SPAG16: variants seen among roughly 807,000 people sequenced by gnomAD.
SPAG16 encodes the protein sperm associated antigen 16.
SPAG16 carries 86 observed loss-of-function variants against 80.4 expected under a neutral mutation model. The observed-to-expected ratio is 1.07, with a 90% CI of 0.90 to 1.28. The LOEUF (loss-of-function observed/expected upper bound fraction) is 1.28, where lower values mean the gene tolerates loss of function less well. SPAG16 is among the 50% of genes most tolerant of loss of function. The pLI is 0.00. For missense variants in SPAG16, 870 were observed against 765.3 expected (o/e 1.14, Z -1.61); for synonymous variants, 294 against 265.9 (o/e 1.11, Z -1.03).
intron 13 of SPAG16, among the ~76,000 whole-genome samples, chr2:214,069,888 A>G (rs1182300125): frequency 2.0e-5 from 3 of 152,126 alleles, no homozygotes; most frequent in Non-Finnish European, 2.9e-5. Context: ...TAGGTTCTTT[A>G]TATCAACCAA....
chr2:214,139,266 G>A (rs761203402), intron 14 of SPAG16, among the ~76,000 whole-genome samples: 1 of 152,032 alleles, frequency 6.6e-6, no homozygotes, highest in Non-Finnish European at 1.5e-5. Context: ...TGAACATTAA[G>A]TCCTTCAGAG....
At chr2:214,314,746 A>T (rs1023039381) in intron 15 of SPAG16, among the ~76,000 whole-genome samples, 14 of 144,482 alleles carry the variant, frequency 9.7e-5, no homozygotes, top group African/African-American at 1.5e-4. Flanking sequence ...GGAAATGTTT[A>T]AAAAAAGTGG....
intron 12 of SPAG16, among the ~76,000 whole-genome samples, chr2:213,960,669 G>T (rs897757143): frequency 6.6e-6 from 1 of 152,160 alleles, no homozygotes; most frequent in Non-Finnish European, 1.5e-5. Context: ...CCTTTCAATT[G>T]ACATGTGTGG....
intron 12 of SPAG16, among the ~76,000 whole-genome samples, chr2:213,939,443 C>T (rs892925008): frequency 6.6e-6 from 1 of 152,174 alleles, no homozygotes; most frequent in Non-Finnish European, 1.5e-5. Context: ...CTGAGAGTGA[C>T]TGTCTTTCTC....
At chr2:213,678,340 T>C (rs1417730987) in intron 10 of SPAG16, among the ~76,000 whole-genome samples, 1 of 152,044 alleles carries the variant, frequency 6.6e-6, no homozygotes, top group African/African-American at 2.4e-5. Context: ...GCTGGTTTTT[T>C]GAAAGGATCA....
intron 15 of SPAG16, among the ~76,000 whole-genome samples, chr2:214,347,119 G>A (rs1415991286): frequency 1.3e-5 from 2 of 152,152 alleles, no homozygotes; most frequent in Non-Finnish European, 2.9e-5. Flanking sequence ...AAGAAAATGA[G>A]TACACTGTTA....
intron 12 of SPAG16, among the ~76,000 whole-genome samples, chr2:213,999,519 T>C (rs1575778428): frequency 6.6e-6 from 1 of 152,190 alleles, no homozygotes; most frequent in African/African-American, 2.4e-5. Context: ...GCTAGGGCAG[T>C]GTGGAAGAGA....
chr2:214,026,225 TATATATACATACAC>T (rs2048121906), intron 13 of SPAG16, among the ~76,000 whole-genome samples: 1 of 151,274 alleles, frequency 6.6e-6, no homozygotes, highest in African/African-American at 2.4e-5. Context: ...CATACATGCA[TATATATACATACAC>T]ATATTATATT....
intron 15 of SPAG16, among the ~76,000 whole-genome samples, chr2:214,222,908 G>A (rs2058614765): frequency 6.6e-6 from 1 of 152,142 alleles, no homozygotes; most frequent in African/African-American, 2.4e-5. Flanking sequence ...ATTTTAAGGT[G>A]AACCAAGGTT....
At position 214,032,297 on chromosome 2, in the gene SPAG16, GT is replaced by G. The variant is rs564135030; in HGVS notation, c.1527+18224del. Among the ~76,000 whole-genome samples, 37 of 152,242 alleles carry G rather than the reference GT, an allele frequency of 2.4e-4. No homozygotes were observed. The South Asian group carries it at 7.1e-3, about 29-fold the overall frequency. ...GGTGATTGTTAGCTCCATCTACTTT[GT>G]TTTACCCCTCTTTGATCTTATTGGT... is the stretch of plus-strand genomic sequence containing the variant. On this transcript the variant is annotated intron_variant, in intron 13 of 15. Coordinates refer to ENST00000331683, the MANE Select transcript of SPAG16 (RefSeq NM_024532.5).
chr2:214,283,767 A>C (rs1187888664), intron 15 of SPAG16, among the ~76,000 whole-genome samples: 1 of 152,196 alleles, frequency 6.6e-6, no homozygotes, highest in Non-Finnish European at 1.5e-5. Flanking sequence ...TACACATATA[A>C]CACTGCGGCA....
chr2:213,802,413 C>CTATA (rs1217420133), intron 10 of SPAG16, among the ~76,000 whole-genome samples: 1 of 135,478 alleles, frequency 7.4e-6, no homozygotes, highest in African/African-American at 2.7e-5. Context: ...ATCTATCTAT[C>CTATA]TATCTATCTA....
chr2:213,383,979 C>T (rs572988343), intron 9 of SPAG16, among the ~76,000 whole-genome samples: 59 of 152,246 alleles, frequency 3.9e-4, no homozygotes, highest in South Asian at 2.1e-4. Flanking sequence ...TGACTACACA[C>T]GATGTGCCTG....
At chr2:213,285,832 A>C (rs889572158) in intron 1 of SPAG16, 13 of 1,134,772 alleles carry the variant, frequency 1.1e-5, no homozygotes, top group Non-Finnish European at 1.5e-5. Flanking sequence ...TGTAACAGGC[A>C]GTCTTTTCCA....
At chr2:213,946,964 G>T (rs2079505960) in intron 12 of SPAG16, among the ~76,000 whole-genome samples, 1 of 151,928 alleles carries the variant, frequency 6.6e-6, no homozygotes, top group Non-Finnish European at 1.5e-5. Flanking sequence ...ACCATCTGAA[G>T]TTTGCTTTTT....
chr2:214,399,704 T>G (rs1458100218), intron 15 of SPAG16, among the ~76,000 whole-genome samples: 1 of 152,120 alleles, frequency 6.6e-6, no homozygotes, highest in African/African-American at 2.4e-5. Flanking sequence ...ATTTCTTAAT[T>G]AAATTTTTGA....
intron 10 of SPAG16, among the ~76,000 whole-genome samples, chr2:213,500,941 A>T (rs995161276): frequency 6.6e-6 from 1 of 152,220 alleles, no homozygotes; most frequent in Admixed American, 6.5e-5. Flanking sequence ...GAGTAATGAG[A>T]TAATATGTTT....
intron 10 of SPAG16, among the ~76,000 whole-genome samples, chr2:213,690,868 G>T (rs1406210545): frequency 2.0e-5 from 3 of 152,086 alleles, no homozygotes; most frequent in African/African-American, 7.2e-5. Context: ...TGCACTGTTG[G>T]CTTCCCTGAT....
chr2:214,155,520 T>A (rs2056174382), intron 15 of SPAG16, among the ~76,000 whole-genome samples: 1 of 151,916 alleles, frequency 6.6e-6, no homozygotes, highest in Admixed American at 6.6e-5. Context: ...TTTTTTTTTT[T>A]AAAGACGGGG....
Sources: allele counts gnomAD v4.1 joint callset (sites outside exome capture counted in the v4.1 genomes callset), GRCh38; gene constraint gnomAD v4.1.1; transcripts MANE v1.5; gene names NCBI Gene and HGNC (gene_info 2026-07-23, HGNC 2026-07-21).